RIMS2: variants seen among roughly 807,000 people sequenced by gnomAD.
The protein encoded by RIMS2 is regulating synaptic membrane exocytosis 2.
A neutral mutation model predicts 174.4 loss-of-function variants in RIMS2; 59 were observed. That is an observed-to-expected ratio of 0.34 (90% confidence interval 0.27 to 0.42). RIMS2 has a LOEUF of 0.42. Ranked by LOEUF, RIMS2 falls within the 10% of genes least tolerant of loss-of-function variation. The pLI, the probability that RIMS2 is intolerant of heterozygous loss-of-function variation, is 1.00. For missense variants in RIMS2, 1,620 were observed against 1,666.3 expected, an observed-to-expected ratio of 0.97 and a Z score of 0.48; for synonymous variants, 606 against 572.5, an observed-to-expected ratio of 1.06 and a Z score of -0.84.
chr8:103,652,264 A>T, intron 1 of RIMS2, 27 bp downstream of exon 2: 1 of 1,314,978 alleles, frequency 7.6e-7, no homozygotes, highest in Non-Finnish European at 1.0e-6. Context: ...AGAGTGTAGT[A>T]GGCTTGACTT....
At chr8:103,803,612 T>C (rs1403143866) in intron 3 of RIMS2, among the ~76,000 whole-genome samples, 2 of 152,224 alleles carry the variant, frequency 1.3e-5, no homozygotes, top group African/African-American at 4.8e-5. Flanking sequence ...ATAAAACCTG[T>C]GACTTGCTTC....
At chr8:103,942,390 G>A (rs117358405) in intron 13 of RIMS2, among the ~76,000 whole-genome samples, 2,391 of 151,882 alleles carry the variant, frequency 0.016, 29 homozygotes, top group Non-Finnish European at 0.025. Context: ...TTATCCAGTC[G>A]TCACTGATGG....
intron 1 of RIMS2, among the ~76,000 whole-genome samples, chr8:103,600,161 G>A (rs537449342): frequency 1.9e-4 from 29 of 152,126 alleles, no homozygotes; most frequent in African/African-American, 5.5e-4. Context: ...TTGTCTTTCC[G>A]TGCCTGTCTT....
At chr8:104,093,485 G>T (rs1233062524) in intron 19 of RIMS2, 3 of 1,595,750 alleles carry the variant, frequency 1.9e-6, no homozygotes, top group Non-Finnish European at 2.5e-6. Flanking sequence ...GATCAGGATG[G>T]GATCCTCATA....
chr8:103,942,773 A>G (rs2082834957), exon 14 of RIMS2: 1 of 1,608,836 alleles, frequency 6.2e-7, no homozygotes, highest in Non-Finnish European at 8.5e-7. Flanking sequence ...GGGTTTGTAG[A>G]TTTTAATTGA....
At chr8:104,030,120 C>T (rs1244805106) in intron 19 of RIMS2, among the ~76,000 whole-genome samples, 1 of 151,984 alleles carries the variant, frequency 6.6e-6, no homozygotes, top group Admixed American at 6.6e-5. Flanking sequence ...TGTTAGTATT[C>T]CACTATTTAT....
intron 19 of RIMS2, 51 bp downstream of exon 25, chr8:104,148,899 G>A: frequency 6.5e-7 from 1 of 1,548,032 alleles, no homozygotes; most frequent in African/African-American, 1.4e-5. Flanking sequence ...GTCATTACAA[G>A]ATATATTTCT....
chr8:104,105,808 GTGGGCAGATCA>G (rs1177431828), intron 19 of RIMS2, among the ~76,000 whole-genome samples: 1 of 151,948 alleles, frequency 6.6e-6, no homozygotes, highest in African/African-American at 2.4e-5. Flanking sequence ...GGAGGCCGAG[GTGGGCAGATCA>G]TGAGCTCAGG....
At chr8:103,816,349 A>G (rs2098718497) in intron 3 of RIMS2, among the ~76,000 whole-genome samples, 1 of 152,166 alleles carries the variant, frequency 6.6e-6, no homozygotes, top group African/African-American at 2.4e-5. Context: ...AAAAAGAATT[A>G]ACTTTTTGAT....
intron 19 of RIMS2, among the ~76,000 whole-genome samples, chr8:104,220,989 T>C (rs1237268236): frequency 6.6e-6 from 1 of 152,162 alleles, no homozygotes; most frequent in Non-Finnish European, 1.5e-5. Flanking sequence ...GGATGTCCAG[T>C]CAAAAGTACT....
intron 17 of RIMS2, among the ~76,000 whole-genome samples, chr8:104,010,851 C>T: frequency 6.6e-6 from 1 of 151,958 alleles, no homozygotes; most frequent in Non-Finnish European, 1.5e-5. Context: ...ATTTTATATG[C>T]ATAACATAAA....
chr8:103,887,422 T>A (rs2099210311), intron 4 of RIMS2, among the ~76,000 whole-genome samples: 1 of 151,626 alleles, frequency 6.6e-6, no homozygotes, highest in Non-Finnish European at 1.5e-5. Context: ...TTGTATTTGG[T>A]GATTTTTTTC....
At chr8:104,174,361 G>A (rs2098857148) in intron 19 of RIMS2, among the ~76,000 whole-genome samples, 1 of 152,132 alleles carries the variant, frequency 6.6e-6, no homozygotes, top group Non-Finnish European at 1.5e-5. Flanking sequence ...TGTTGTTGGG[G>A]TGGAGGTTAA....
chr8:103,853,907 T>C (rs1033789944), intron 3 of RIMS2, among the ~76,000 whole-genome samples: 1 of 152,136 alleles, frequency 6.6e-6, no homozygotes, highest in African/African-American at 2.4e-5. Context: ...CAGCTTTTTT[T>C]TTCTAATTCT....
chr8:104,123,891 C>T (rs183770825), intron 19 of RIMS2, among the ~76,000 whole-genome samples: 13 of 152,036 alleles, frequency 8.6e-5, no homozygotes, highest in Non-Finnish European at 1.8e-4. Context: ...TTTCTATACA[C>T]CAACACATGA....
intron 2 of RIMS2, among the ~76,000 whole-genome samples, chr8:103,717,881 T>C (rs573814260): frequency 5.3e-5 from 8 of 152,320 alleles, no homozygotes; most frequent in African/African-American, 1.9e-4. Flanking sequence ...TAGCTAGCTA[T>C]TGAACACTTG....
At chr8:103,909,797 C>A (rs2154526887) in intron 4 of RIMS2, among the ~76,000 whole-genome samples, 1 of 152,078 alleles carries the variant, frequency 6.6e-6, no homozygotes, top group East Asian at 1.9e-4. Flanking sequence ...GAATAACAGT[C>A]ATAGCTAATA....
intron 19 of RIMS2, among the ~76,000 whole-genome samples, chr8:104,121,645 C>T (rs978566826): frequency 1.3e-5 from 2 of 152,040 alleles, no homozygotes; most frequent in Non-Finnish European, 1.5e-5. Flanking sequence ...CTTTTGAGTG[C>T]CAGGCCCTAT....
At chr8:104,233,042 G>C (rs776761233) in intron 19 of RIMS2, among the ~76,000 whole-genome samples, 1 of 152,014 alleles carries the variant, frequency 6.6e-6, no homozygotes, top group Non-Finnish European at 1.5e-5. Flanking sequence ...TTGTCATATT[G>C]TTATTTTCCT....
Sources: gnomAD v4.1 joint callset for allele counts (sites outside exome capture counted in the v4.1 genomes callset) on GRCh38, gnomAD v4.1.1 for gene constraint, MANE v1.5 for transcripts, NCBI Gene and HGNC (gene_info 2026-07-23, HGNC 2026-07-21) for gene names.